Variants in USH2A observed in about 807,000 individuals in gnomAD.
USH2A encodes usherin, also known as Usher syndrome 2A (autosomal recessive, mild).
Under a neutral mutation model 538.9 loss-of-function variants are expected in USH2A, and 443 were observed. The ratio of observed to expected loss-of-function variants is 0.82; its 90% CI spans 0.76 to 0.89. The LOEUF is 0.89. Ranked by LOEUF, USH2A falls within the 40% of genes least tolerant of loss-of-function variation. USH2A has a pLI of 0.00. For synonymous variants in USH2A, 2,413 were observed against 2,273.5 expected (o/e 1.06, Z -1.75); for missense variants, 6,633 against 6,324.8 (o/e 1.05, Z -1.65).
chr1:215,845,933 A>T lies in USH2A; in HGVS notation c.8946T>A (p.His2982Gln). 6.2e-7 allele frequency: 1 copy of T among 1,613,954 alleles called. No homozygotes were observed. The change falls in exon 45 of 72, where the codon CAT becomes CAA. Residue 2982 changes from histidine (H) to glutamine (Q), a missense_variant. Coordinates refer to ENST00000307340, the MANE Select transcript of USH2A (RefSeq NM_206933.4). The stretch of plus-strand genomic sequence containing the variant: ...TGTTTGGCTTTAGGTGGCCAATGAC[A>T]TGAGAGTTTACATCTGGCAAGATTT... ...SLKILPDVNS[H>Q]VIGHLKPNTE...
At chr1:216,167,225 G>A (rs985934588) in intron 21 of USH2A, among the ~76,000 whole-genome samples, 1 of 152,052 alleles carries the variant, frequency 6.6e-6, no homozygotes, top group African/African-American at 2.4e-5. Context: ...GGTCAGAGAA[G>A]CACCGCCCCC....
At chr1:216,379,490 A>G (rs1369261653) in intron 3 of USH2A, among the ~76,000 whole-genome samples, 2 of 152,162 alleles carry the variant, frequency 1.3e-5, no homozygotes, top group African/African-American at 4.8e-5. Context: ...ACAAATTGTA[A>G]GAAGTATATA....
chr1:216,017,288 C>T (rs1158841545), intron 32 of USH2A, among the ~76,000 whole-genome samples: 1 of 152,008 alleles, frequency 6.6e-6, no homozygotes, highest in Admixed American at 6.6e-5. Flanking sequence ...ACTGACTCCC[C>T]TACTTTGCCT....
At chr1:216,274,405 A>G (rs1248917225) in intron 11 of USH2A, among the ~76,000 whole-genome samples, 1 of 152,086 alleles carries the variant, frequency 6.6e-6, no homozygotes, top group Non-Finnish European at 1.5e-5. Context: ...TTATTTGTCT[A>G]TATTTATACA....
intron 3 of USH2A, among the ~76,000 whole-genome samples, chr1:216,379,291 C>G (rs913919953): frequency 6.6e-6 from 1 of 152,156 alleles, no homozygotes; most frequent in Non-Finnish European, 1.5e-5. Context: ...GTAATTTGGG[C>G]TGGTTTCCTT....
At chr1:215,667,443 T>G (rs527814747) in intron 64 of USH2A, among the ~76,000 whole-genome samples, 1 of 152,218 alleles carries the variant, frequency 6.6e-6, no homozygotes, top group South Asian at 2.1e-4. Flanking sequence ...CCGTTAGAAC[T>G]CATCCATCAC....
chr1:216,258,972 G>A (rs1370555139), intron 11 of USH2A, among the ~76,000 whole-genome samples: 1 of 152,068 alleles, frequency 6.6e-6, no homozygotes, highest in Non-Finnish European at 1.5e-5. Context: ...ATAGCTCCAA[G>A]CTCTCAACCC....
At chr1:216,249,597 AT>A (rs2036119124) in intron 12 of USH2A, among the ~76,000 whole-genome samples, 2 of 152,124 alleles carry the variant, frequency 1.3e-5, no homozygotes, top group Admixed American at 6.6e-5. Flanking sequence ...TTTCTAAAAA[AT>A]TAGTTTCTGT....
At chr1:215,979,100 G>C (rs12071757) in intron 35 of USH2A, among the ~76,000 whole-genome samples, 1 of 152,066 alleles carries the variant, frequency 6.6e-6, no homozygotes, top group South Asian at 2.1e-4. Context: ...GCAGAAGGTG[G>C]AGGAGGAGCA....
At chr1:215,862,246 G>T (rs151042610) in intron 44 of USH2A, among the ~76,000 whole-genome samples, 148 of 152,206 alleles carry the variant, frequency 9.7e-4, no homozygotes, top group Non-Finnish European at 1.6e-3. Flanking sequence ...CTGTAGAAAT[G>T]CTTTTATCTC....
intron 13 of USH2A, among the ~76,000 whole-genome samples, chr1:216,240,471 G>A (rs930420993): frequency 6.6e-6 from 1 of 151,198 alleles, no homozygotes; most frequent in Non-Finnish European, 1.5e-5. Context: ...TAGGCAAAAG[G>A]GTCCACTGAG....
intron 61 of USH2A, among the ~76,000 whole-genome samples, chr1:215,716,443 C>T (rs1473452565): frequency 6.6e-6 from 1 of 152,130 alleles, no homozygotes; most frequent in Admixed American, 6.5e-5. Flanking sequence ...AATAACCATC[C>T]TAAAAAAACA....
chr1:216,194,289 G>A (rs1347741268), intron 19 of USH2A: 1 of 152,014 alleles, frequency 6.6e-6, no homozygotes, highest in Non-Finnish European at 1.5e-5. Flanking sequence ...TTCCATTAGT[G>A]GTGAACTGCG....
intron 20 of USH2A, among the ~76,000 whole-genome samples, chr1:216,179,150 A>G (rs1422788677): frequency 6.6e-6 from 1 of 152,140 alleles, no homozygotes; most frequent in Non-Finnish European, 1.5e-5. Context: ...GCACCACCAC[A>G]GAAATCAAAT....
In USH2A at chr1:215,812,840, T is replaced by C. The variant is rs1662734593; in HGVS notation, c.9739+896A>G. Among the ~76,000 whole-genome samples, 3 of 152,168 alleles carry C rather than the reference T, an allele frequency of 2.0e-5. No individual in the cohort carries two copies. In the South Asian group the frequency reaches 6.2e-4, roughly 32 times the overall value. ...CTTTTAAAAAAATTGTCAAAAGAGG[T>C]TGATGCTTTTTGGTTAAAGAGGCAG... On this transcript the variant is annotated intron_variant, in intron 49 of 71. Coordinates refer to ENST00000307340, the MANE Select transcript of USH2A (RefSeq NM_206933.4).
At chr1:215,972,970 T>C (rs116802588) in intron 35 of USH2A, among the ~76,000 whole-genome samples, 1 of 152,070 alleles carries the variant, frequency 6.6e-6, no homozygotes, top group Non-Finnish European at 1.5e-5. Flanking sequence ...ACCACCTACC[T>C]ATAATACATA....
In USH2A at chr1:216,095,780, C is replaced by T. The variant is rs545062795; in HGVS notation, c.4758+1303G>A. The stretch of plus-strand genomic sequence containing the variant: ...GCAGGGTCCTCAGATACACTTGGTA[C>T]AATAGGCCCTGCCTTTTCTCTCTAA... On this transcript the variant is annotated intron_variant, in intron 22 of 71. Transcript: ENST00000307340. Among the ~76,000 whole-genome samples the T allele has an allele frequency of 1.2e-4, 19 of 152,150 alleles. 1 individual carries two copies. The highest frequency in any genetic ancestry group is 1.5e-5 in the Non-Finnish European group (1 of 68,016).
At chr1:215,965,277 T>C (rs2102453709) in intron 37 of USH2A, 40 bp downstream of exon 37, 2 of 1,582,032 alleles carry the variant, frequency 1.3e-6, no homozygotes, top group African/African-American at 1.4e-5. Flanking sequence ...TGAGTTGTTT[T>C]CTAATGTTAT....
At chr1:215,686,013 G>A (rs1658413067) in intron 61 of USH2A, among the ~76,000 whole-genome samples, 1 of 152,154 alleles carries the variant, frequency 6.6e-6, no homozygotes, top group Admixed American at 6.5e-5. Flanking sequence ...TTGTTTTAGT[G>A]TGTATGTGCT....
Sources: gnomAD v4.1 joint callset for allele counts (sites outside exome capture counted in the v4.1 genomes callset) on GRCh38, gnomAD v4.1.1 for gene constraint, MANE v1.5 for transcripts, NCBI Gene and HGNC (gene_info 2026-07-23, HGNC 2026-07-21) for gene names.